The following PRPSAP1 variants were observed in gnomAD, a reference collection of about 807,000 sequenced individuals.
PRPSAP1 encodes phosphoribosyl pyrophosphate synthase-associated protein 1.
Under a neutral mutation model 39.4 loss-of-function variants are expected in PRPSAP1, and 31 were observed. The observed-to-expected ratio is 0.79, with a 90% confidence interval of 0.59 to 1.06. PRPSAP1 has a LOEUF of 1.06. Among genes scored for constraint, PRPSAP1 ranks in the 50% least tolerant of loss-of-function variants. PRPSAP1 has a pLI of 0.00. For synonymous variants in PRPSAP1, 212 were observed against 192.6 expected, an observed-to-expected ratio of 1.10 and a Z score of -0.83; for missense variants, 430 against 511.6, an observed-to-expected ratio of 0.84 and a Z score of 1.54.
chr17:76,320,423 CT>C (rs71161282), intron 7 of PRPSAP1, among the ~76,000 whole-genome samples: 1,451 of 73,376 alleles, frequency 0.02, 37 homozygotes, highest in African/African-American at 0.08. Context: ...GCAGATAATG[CT>C]TTTTTTTTTT....
intron 3 of PRPSAP1, among the ~76,000 whole-genome samples, chr17:76,341,323 G>A (rs1050767052): frequency 1.4e-4 from 20 of 143,022 alleles, no homozygotes; most frequent in South Asian, 6.6e-4. Flanking sequence ...CTGTAGCCTC[G>A]ACCACCCAGG....
intron 3 of PRPSAP1, among the ~76,000 whole-genome samples, chr17:76,339,399 C>T (rs145391496): frequency 1.7e-3 from 255 of 151,720 alleles, no homozygotes; most frequent in Non-Finnish European, 2.5e-3. Flanking sequence ...AGCAAGCCTC[C>T]GTCTCAAAAA....
At chr17:76,349,816 T>A (rs1193316989) in intron 1 of PRPSAP1, among the ~76,000 whole-genome samples, 1 of 151,680 alleles carries the variant, frequency 6.6e-6, no homozygotes, top group Non-Finnish European at 1.5e-5. Context: ...CCAGGCGCAG[T>A]GGTTCATGCT....
intron 7 of PRPSAP1, among the ~76,000 whole-genome samples, chr17:76,316,666 T>C (rs1000880115): frequency 6.6e-6 from 1 of 152,204 alleles, no homozygotes; most frequent in Admixed American, 6.5e-5. Flanking sequence ...TCAAACAAAA[T>C]CTAATCCATG....
rs760886959 is a variant in PRPSAP1, at chr17:76,353,501, G to T, written c.170+33C>A. 3.5e-5 allele frequency: 52 copies of T among 1,468,894 alleles called. 1 individual carries two copies. The South Asian group carries it at 6.6e-4, about 19-fold the overall frequency. 91.0% of individuals were successfully genotyped at this position (1,468,894 alleles called of 1,614,324 possible). ...GCGCGAAGGAGAGCTAGGCGCCGCCGCCCCCGGCCCGGCCCTCCCACCGCC... is the reference window on the plus strand; with the variant it reads ...GCGCGAAGGAGAGCTAGGCGCCGCCTCCCCCGGCCCGGCCCTCCCACCGCC... On this transcript the variant is annotated intron_variant, in intron 1 of 9. Coordinates refer to ENST00000446526, the MANE Select transcript of PRPSAP1 (RefSeq NM_002766.3).
In PRPSAP1 at chr17:76,333,681, C is replaced by G. The variant is rs193163538; in HGVS notation, c.291-1246G>C. Among the ~76,000 whole-genome samples, 580 of 151,996 alleles carry G rather than the reference C, an allele frequency of 3.8e-3. 8 individuals are homozygous for G. The highest frequency in any genetic ancestry group is 0.013 in the African/African-American group (532 of 41,480). On this transcript the variant is annotated intron_variant, in intron 3 of 9. Transcript: ENST00000446526. ...CAAAACAAAACAAACAAAAAAAAAC[C>G]TCCCTGGACCTTTCTTTCCCTGACA...
chr17:76,318,582 G>C (rs1222622659), intron 7 of PRPSAP1, among the ~76,000 whole-genome samples: 1 of 152,136 alleles, frequency 6.6e-6, no homozygotes, highest in Non-Finnish European at 1.5e-5. Context: ...CGAACCACTG[G>C]CACACATTGG....
At chr17:76,337,854 C>T (rs1291915445) in intron 3 of PRPSAP1, among the ~76,000 whole-genome samples, 1 of 152,162 alleles carries the variant, frequency 6.6e-6, no homozygotes, top group Non-Finnish European at 1.5e-5. Context: ...ATCCACCTGC[C>T]TCGGCCTCCC....
chr17:76,319,160 G>A (rs899232161), intron 7 of PRPSAP1, among the ~76,000 whole-genome samples: 2 of 151,590 alleles, frequency 1.3e-5, no homozygotes, highest in Non-Finnish European at 2.9e-5. Context: ...GGCTGGTCTC[G>A]AACTCCTGAC....
At chr17:76,315,298 T>A (rs1265889814) in intron 7 of PRPSAP1, among the ~76,000 whole-genome samples, 1 of 152,212 alleles carries the variant, frequency 6.6e-6, no homozygotes, top group African/African-American at 2.4e-5. Context: ...TTCTTTAAAC[T>A]TTGTTATTAT....
At position 76,352,367 on chromosome 17, in the gene PRPSAP1, C is replaced by T. The variant is rs143540887; in HGVS notation, c.170+1167G>A. 2.0e-3 allele frequency among the ~76,000 whole-genome samples: 306 copies of T among 152,188 alleles called. 1 individual carries two copies. The highest frequency in any genetic ancestry group is 7.2e-3 in the African/African-American group (301 of 41,536). On this transcript the variant is annotated intron_variant, in intron 1 of 9. Transcript: ENST00000446526. ...CCAACTAGAAAAGAGGCCATTTCAC[C>T]GGGCGCGGTGGCTGAAGCCTGTAAT...
chr17:76,332,430 A>G lies in PRPSAP1; in HGVS notation c.296T>C (p.Val99Ala), dbSNP rs1196301455. 2 of 1,613,968 alleles carry G rather than the reference A, an allele frequency of 1.2e-6. No individual in the cohort carries two copies. Among genetic ancestry groups the G allele is most frequent in the South Asian group, 2.2e-5 (2 of 91,084 alleles). Residue 99 changes from valine to alanine, a missense_variant, in exon 4 of 10, where the codon GTG becomes GCG. By Grantham distance (64) the Val-to-Ala change is moderately conservative. Around this residue, in one of 2 missense-constraint regions of PRPSAP1, gnomAD observed 278 missense variants for 376.3 expected, o/e 0.74. Transcript: ENST00000446526. ...GAGCAACTCCATCACAGCTGTATTC[A>G]CATCTCTGAAACAGTCAAAGTTTGT... The part of the protein sequence containing the change: ...IFIIQTIPRD[V>A]NTAVMELLIM...
At chr17:76,340,151 A>G (rs2071420450) in intron 3 of PRPSAP1, among the ~76,000 whole-genome samples, 1 of 149,722 alleles carries the variant, frequency 6.7e-6, no homozygotes, top group Admixed American at 6.6e-5. Context: ...GTCTCAAAAA[A>G]AAAAAAAAAA....
chr17:76,349,692 C>G (rs1015646245), intron 1 of PRPSAP1, among the ~76,000 whole-genome samples: 3 of 150,306 alleles, frequency 2.0e-5, no homozygotes, highest in African/African-American at 7.4e-5. Flanking sequence ...ATCCAGGAGG[C>G]AGAGGTTGCC....
At chr17:76,313,734 T>C (rs2071092441) in intron 8 of PRPSAP1, 87 bp downstream of exon 8, 2 of 1,419,008 alleles carry the variant, frequency 1.4e-6, no homozygotes, top group Non-Finnish European at 2.0e-6. Flanking sequence ...CGGATCATCG[T>C]TCCTAGAAAT....
chr17:76,333,129 G>C (rs754307210), intron 3 of PRPSAP1, among the ~76,000 whole-genome samples: 16 of 151,064 alleles, frequency 1.1e-4, no homozygotes, highest in Non-Finnish European at 1.8e-4. Flanking sequence ...CTGACCTTTT[G>C]AGATGAAGTC....
In PRPSAP1 at chr17:76,344,668, T is replaced by C. The variant is rs765114800; in HGVS notation, c.290+3A>G. On this transcript the variant is annotated splice_donor_region_variant and intron_variant, in intron 3 of 9. Transcript: ENST00000446526. ...AAAGAGATAAAGTAGTCAGTCCTCT[T>C]ACCTGGGTATTGTCTGTATAATGAA... The C allele has an allele frequency of 6.4e-7, 1 of 1,555,394 alleles. No individual in the cohort carries two copies. The highest frequency in any genetic ancestry group is 8.8e-7 in the Non-Finnish European group (1 of 1,139,448).
chr17:76,314,186 T>C (rs2071097176), intron 7 of PRPSAP1: 1 of 393,320 alleles, frequency 2.5e-6, no homozygotes, highest in African/African-American at 2.4e-5. Context: ...AATTTCAACA[T>C]GTAACTGATA....
intron 3 of PRPSAP1, among the ~76,000 whole-genome samples, chr17:76,336,732 CAAAAAAAAAAA>C (rs57399038): frequency 1.1e-4 from 7 of 63,338 alleles, no homozygotes; most frequent in East Asian, 4.0e-4. Context: ...AACTCCATCT[CAAAAAAAAAAA>C]AAAAAAAAAA....
Sources: gnomAD v4.1 joint callset for allele counts (sites outside exome capture counted in the v4.1 genomes callset) on GRCh38, gnomAD v4.1.1 for gene constraint, gnomAD v4.1.1 regional missense constraint, MANE v1.5 for transcripts, NCBI Gene and HGNC (gene_info 2026-07-23, HGNC 2026-07-21) for gene names.